Variants in SOX6 observed in about 807,000 individuals in gnomAD.
SOX6 encodes SRY-box transcription factor 6.
Under a neutral mutation model 97.8 loss-of-function variants are expected in SOX6, and 11 were observed. The ratio of observed to expected loss-of-function variants is 0.11; its 90% CI spans 0.07 to 0.19. The LOEUF is 0.19. SOX6 is among the 10% of genes least tolerant of loss of function. SOX6 has a pLI of 1.00. For missense variants in SOX6, 810 were observed against 1,039.5 expected (o/e 0.78, Z 3.04); for synonymous variants, 360 against 371.4 (o/e 0.97, Z 0.35).
chr11:16,392,768 C>T (rs1478073601), intron 1 of SOX6, among the ~76,000 whole-genome samples: 1 of 151,818 alleles, frequency 6.6e-6, no homozygotes, highest in Non-Finnish European at 1.5e-5. Context: ...AAAAACACAC[C>T]TTTTTTTATT....
chr11:16,233,921 C>A (rs1053847368), intron 4 of SOX6, among the ~76,000 whole-genome samples: 3 of 150,220 alleles, frequency 2.0e-5, no homozygotes, highest in African/African-American at 4.9e-5. Context: ...GCAGGAGAAT[C>A]GCTTGAACCT....
chr11:16,386,642 T>C (rs986698875), intron 1 of SOX6, among the ~76,000 whole-genome samples: 3 of 152,132 alleles, frequency 2.0e-5, no homozygotes, highest in Non-Finnish European at 2.9e-5. Context: ...TTTCTATTTA[T>C]GGCCCTCATA....
chr11:16,183,077 A>ACTCT (rs1851384996), intron 6 of SOX6, among the ~76,000 whole-genome samples: 1 of 151,982 alleles, frequency 6.6e-6, no homozygotes, highest in South Asian at 2.1e-4. Context: ...AGTGTTTCTA[A>ACTCT]GGATTAGTCA....
chr11:16,238,811 T>C (rs542384476), intron 3 of SOX6, among the ~76,000 whole-genome samples: 7 of 152,074 alleles, frequency 4.6e-5, no homozygotes, highest in Non-Finnish European at 1.0e-4. Context: ...ATAAAAAATA[T>C]CTTCAAAATA....
At chr11:16,003,188 C>G (rs1488733067) in intron 13 of SOX6, among the ~76,000 whole-genome samples, 1 of 151,984 alleles carries the variant, frequency 6.6e-6, no homozygotes, top group Non-Finnish European at 1.5e-5. Context: ...AACTATGGCT[C>G]CAGTACCAGC....
At chr11:16,515,379 C>A (rs1446398909) in intron 4 of SOX6, among the ~76,000 whole-genome samples, 11 of 146,030 alleles carry the variant, frequency 7.5e-5, no homozygotes, top group South Asian at 2.2e-4. Context: ...CCTTTGCCCA[C>A]TTTTTGATGG....
chr11:16,393,406 CA>C (rs200646003), intron 1 of SOX6, among the ~76,000 whole-genome samples: 7 of 135,810 alleles, frequency 5.2e-5, no homozygotes, highest in Admixed American at 5.2e-4. Context: ...CATTTGTTTT[CA>C]AAAAAAATAT....
At chr11:16,719,851 G>A (rs11024024) in intron 2 of SOX6, among the ~76,000 whole-genome samples, 47,278 of 151,994 alleles carry the variant, frequency 0.31, 8,825 homozygotes, top group Non-Finnish European at 0.42. Flanking sequence ...TTGATCCCAG[G>A]AGGTAGAGGC....
At chr11:16,154,590 A>C (rs1850548282) in intron 6 of SOX6, among the ~76,000 whole-genome samples, 1 of 152,278 alleles carries the variant, frequency 6.6e-6, no homozygotes, top group Non-Finnish European at 1.5e-5. Context: ...AATTAAATTA[A>C]GTACAGTGGT....
At chr11:16,141,953 C>T (rs911025089) in intron 6 of SOX6, among the ~76,000 whole-genome samples, 31 of 152,260 alleles carry the variant, frequency 2.0e-4, no homozygotes, top group African/African-American at 7.2e-4. Context: ...CAAAAGGCAG[C>T]AGAAACCTCT....
intron 4 of SOX6, among the ~76,000 whole-genome samples, chr11:16,580,366 T>C (rs1046426527): frequency 6.6e-6 from 1 of 152,128 alleles, no homozygotes; most frequent in Admixed American, 6.6e-5. Context: ...CAGGACAAGA[T>C]GCTAAAATGC....
intron 1 of SOX6, among the ~76,000 whole-genome samples, chr11:16,423,892 T>G (rs1363810540): frequency 1.3e-5 from 2 of 152,110 alleles, no homozygotes; most frequent in African/African-American, 2.4e-5. Context: ...CAGAAAAAAG[T>G]AGATTAATCT....
At chr11:16,132,875 A>T (rs906156788) in intron 6 of SOX6, among the ~76,000 whole-genome samples, 3 of 152,132 alleles carry the variant, frequency 2.0e-5, no homozygotes, top group Non-Finnish European at 4.4e-5. Flanking sequence ...GAATGGCATA[A>T]CACTAGCATA....
At chr11:16,145,743 C>A (rs1409996053) in intron 6 of SOX6, among the ~76,000 whole-genome samples, 1 of 152,166 alleles carries the variant, frequency 6.6e-6, no homozygotes, top group Non-Finnish European at 1.5e-5. Context: ...AGTGAACTCC[C>A]ATTCACAATT....
At chr11:16,054,355 A>T (rs1190939215) in intron 10 of SOX6, among the ~76,000 whole-genome samples, 2 of 152,186 alleles carry the variant, frequency 1.3e-5, no homozygotes, top group African/African-American at 4.8e-5. Flanking sequence ...CTCTGGGAAC[A>T]TAAAATAGTC....
Position 16,099,774 on chromosome 11 carries a change from A to C in SOX6, c.899-2086T>G, listed in dbSNP as rs182461792. The stretch of plus-strand genomic sequence containing the variant: ...TATTACTATCTCTACCACACCCTAT[A>C]GTACTTTCCAGCTCACCTGCTGGCT... On this transcript the variant is annotated intron_variant, in intron 7 of 15. Transcript: ENST00000683767. 1.5e-4 allele frequency among the ~76,000 whole-genome samples: 23 copies of C among 150,070 alleles called. No homozygotes were observed. The East Asian group carries it at 4.5e-3, about 30-fold the overall frequency.
chr11:16,506,881 T>G (rs929979739), intron 4 of SOX6, among the ~76,000 whole-genome samples: 1 of 152,028 alleles, frequency 6.6e-6, no homozygotes, highest in Non-Finnish European at 1.5e-5. Flanking sequence ...CTGGTCAACA[T>G]GGTGAAACCC....
chr11:16,457,788 G>A (rs916010168), intron 1 of SOX6, among the ~76,000 whole-genome samples: 2 of 151,952 alleles, frequency 1.3e-5, no homozygotes, highest in Admixed American at 1.3e-4. Context: ...AGTATGTTGA[G>A]TTTTAGCAGT....
intron 4 of SOX6, among the ~76,000 whole-genome samples, chr11:16,597,299 T>C (rs367848818): frequency 6.7e-6 from 1 of 148,494 alleles, no homozygotes; most frequent in Non-Finnish European, 1.5e-5. Flanking sequence ...TACCCACTTA[T>C]ATGTATATAT....
Sources: gnomAD v4.1 joint callset for allele counts (sites outside exome capture counted in the v4.1 genomes callset) on GRCh38, gnomAD v4.1.1 for gene constraint, MANE v1.5 for transcripts, NCBI Gene and HGNC (gene_info 2026-07-23, HGNC 2026-07-21) for gene names.